Variants in ARB2A observed in about 807,000 individuals in gnomAD.
ARB2A encodes the protein ARB2 cotranscriptional regulator A.
the ARB2A span, chr5:94,055,889 A>G: frequency 1.0e-6 from 1 of 985,456 alleles, no homozygotes; most frequent in East Asian, 1.1e-4. Context: ...TCTTTTCTGT[A>G]TCTGTTAGCC....
At chr5:93,682,793 G>T in the ARB2A span, 1 of 1,022,912 alleles carries the variant, frequency 9.8e-7, no homozygotes. Flanking sequence ...TAACAGAAAT[G>T]AAATAAGACG....
chr5:93,767,993 CAAAAAAAAAAA>C, the ARB2A span, among the ~76,000 whole-genome samples: 17 of 20,954 alleles, frequency 8.1e-4, no homozygotes, highest in South Asian at 5.1e-3. Flanking sequence ...GACTCCATCT[CAAAAAAAAAAA>C]AAAAAAAAAA....
At chr5:93,666,164 T>C in the ARB2A span, among the ~76,000 whole-genome samples, 1 of 152,232 alleles carries the variant, frequency 6.6e-6, no homozygotes, top group South Asian at 2.1e-4. Flanking sequence ...ACAATCCTGA[T>C]AGAAGATTAC....
the ARB2A span, among the ~76,000 whole-genome samples, chr5:94,053,394 G>C: frequency 6.6e-6 from 1 of 151,958 alleles, no homozygotes; most frequent in Non-Finnish European, 1.5e-5. Flanking sequence ...TTATGATCAA[G>C]CACAGTATTA....
the ARB2A span, among the ~76,000 whole-genome samples, chr5:93,975,367 T>C: frequency 6.8e-6 from 1 of 147,108 alleles, no homozygotes; most frequent in Non-Finnish European, 1.5e-5. Flanking sequence ...ATTAACAACC[T>C]ATCCTTGCAC....
the ARB2A span, among the ~76,000 whole-genome samples, chr5:94,038,460 T>A: frequency 6.6e-6 from 1 of 152,132 alleles, no homozygotes; most frequent in Admixed American, 6.6e-5. Context: ...GGGCTATGTA[T>A]TTTTTAAAGC....
chr5:94,048,051 C>CTTTTTTTTTTTTTTTTTTTTTTTTTTTT, the ARB2A span, among the ~76,000 whole-genome samples: 2 of 96,086 alleles, frequency 2.1e-5, no homozygotes, highest in African/African-American at 8.0e-5. Context: ...AATCGGTAAG[C>CTTTTTTTTTTTTTTTTTTTTTTTTTTTT]TTTTTTTTTT....
At chr5:94,067,891 G>A in the ARB2A span, among the ~76,000 whole-genome samples, 1,477 of 152,262 alleles carry the variant, frequency 9.7e-3, 10 homozygotes, top group Non-Finnish European at 0.015. Context: ...AACACAGCTG[G>A]AGAGATCATG....
chr5:94,076,545 A>T, the ARB2A span, among the ~76,000 whole-genome samples: 1 of 152,224 alleles, frequency 6.6e-6, no homozygotes, highest in Non-Finnish European at 1.5e-5. Flanking sequence ...AGCAGCCACA[A>T]AGAAAATACA....
chr5:94,100,568 T>C, the ARB2A span, among the ~76,000 whole-genome samples: 4 of 152,066 alleles, frequency 2.6e-5, no homozygotes, highest in African/African-American at 7.2e-5. Context: ...CAAAACACCA[T>C]AGTACGAGTA....
chr5:93,801,183 T>A, the ARB2A span, among the ~76,000 whole-genome samples: 1 of 152,150 alleles, frequency 6.6e-6, no homozygotes, highest in Non-Finnish European at 1.5e-5. Flanking sequence ...CTAAGCCTCA[T>A]CACTGGGCAA....
chr5:94,030,056 C>A, the ARB2A span, among the ~76,000 whole-genome samples: 1 of 152,174 alleles, frequency 6.6e-6, no homozygotes, highest in South Asian at 2.1e-4. Flanking sequence ...ATCTTGAGAA[C>A]AGCACAAGAA....
the ARB2A span, among the ~76,000 whole-genome samples, chr5:93,905,478 C>T: frequency 6.6e-6 from 1 of 151,086 alleles, no homozygotes; most frequent in South Asian, 2.1e-4. Context: ...GTAACTTTTT[C>T]GGAAAAAAAT....
the ARB2A span, among the ~76,000 whole-genome samples, chr5:93,800,922 G>C: frequency 6.6e-6 from 1 of 151,966 alleles, no homozygotes; most frequent in African/African-American, 2.4e-5. Flanking sequence ...CTTTAATATA[G>C]TTTTAAAAGA....
At chr5:94,081,304 A>T in the ARB2A span, among the ~76,000 whole-genome samples, 6 of 152,210 alleles carry the variant, frequency 3.9e-5, no homozygotes, top group Non-Finnish European at 5.9e-5. Context: ...TATTACACAC[A>T]GAGTTACCAT....
the ARB2A span, among the ~76,000 whole-genome samples, chr5:93,827,531 C>T: frequency 6.6e-6 from 1 of 152,070 alleles, no homozygotes. Flanking sequence ...AAAACTTTTC[C>T]TCCATTCTGT....
the ARB2A span, among the ~76,000 whole-genome samples, chr5:94,065,635 G>T: frequency 6.6e-6 from 1 of 151,928 alleles, no homozygotes; most frequent in Non-Finnish European, 1.5e-5. Flanking sequence ...GACTAAGAAG[G>T]TCATTATATA....
the ARB2A span, chr5:93,784,266 C>T: frequency 2.3e-5 from 16 of 684,140 alleles, no homozygotes; most frequent in East Asian, 3.1e-4. Flanking sequence ...TATTTCCTCT[C>T]AATGTTCTGC....
chr5:93,793,239 A>ATT, the ARB2A span, among the ~76,000 whole-genome samples: 4 of 64,776 alleles, frequency 6.2e-5, no homozygotes, highest in Non-Finnish European at 8.8e-5. Flanking sequence ...CTTCTGGCTA[A>ATT]TTTTTTTTTT....
Sources: gnomAD v4.1 joint callset for allele counts (sites outside exome capture counted in the v4.1 genomes callset) on GRCh38, gnomAD v4.1.1 for gene constraint, MANE v1.5 for transcripts, NCBI Gene and HGNC (gene_info 2026-07-23, HGNC 2026-07-21) for gene names.